Variants in MBNL2 observed in about 807,000 individuals in gnomAD.
MBNL2 encodes muscleblind-like protein 2.
Under a neutral mutation model 41.9 loss-of-function variants are expected in MBNL2, and 17 were observed. The ratio of observed to expected loss-of-function variants is 0.41; its 90% CI spans 0.28 to 0.61. MBNL2 has a LOEUF of 0.61. MBNL2 is among the 20% of genes least tolerant of loss of function. The probability of loss-of-function intolerance (pLI) is 0.35; values close to 1 mark genes in which losing one functional copy is unlikely to be tolerated. For missense variants in MBNL2, 336 were observed against 505.6 expected, an observed-to-expected ratio of 0.66 and a Z score of 3.22; for synonymous variants, 195 against 182.9, an observed-to-expected ratio of 1.07 and a Z score of -0.53.
At chr13:97,271,444 C>A (rs61972585) in intron 1 of MBNL2, among the ~76,000 whole-genome samples, 3 of 105,818 alleles carry the variant, frequency 2.8e-5, no homozygotes, top group South Asian at 6.1e-4. Context: ...TTATTTATTT[C>A]TAAAAAAAAA....
At chr13:97,279,339 C>T (rs935152474) in intron 2 of MBNL2, among the ~76,000 whole-genome samples, 2 of 152,266 alleles carry the variant, frequency 1.3e-5, no homozygotes, top group South Asian at 2.1e-4. Context: ...TATATAAAAT[C>T]GATATAATTC....
At chr13:97,305,183 T>G (rs190600353) in intron 2 of MBNL2, among the ~76,000 whole-genome samples, 5 of 152,364 alleles carry the variant, frequency 3.3e-5, no homozygotes, top group Admixed American at 2.6e-4. Flanking sequence ...GAGTTCTGGT[T>G]AAATTCTTAG....
In MBNL2 at chr13:97,391,572, C is replaced by A; in HGVS notation, c.*123C>A. 1.5e-6 allele frequency: 1 copy of A among 672,486 alleles called. No homozygotes were observed. Among genetic ancestry groups the A allele is most frequent in the Non-Finnish European group, 2.6e-6 (1 of 381,042 alleles). 41.7% of individuals were successfully genotyped at this position (672,486 alleles called of 1,614,324 possible). On this transcript the variant is annotated 3_prime_UTR_variant, in exon 9 of 9. Coordinates refer to ENST00000679496, the MANE Select transcript of MBNL2 (RefSeq NM_001382683.1). ...ACCTAAGATAGTTAACTACCTGAGACCAGCTGTGATGTTTAAAGACATAAA... is the reference window on the plus strand; with the variant it reads ...ACCTAAGATAGTTAACTACCTGAGAACAGCTGTGATGTTTAAAGACATAAA...
At chr13:97,251,834 CTTTTTTTTTTTTT>C (rs869034692) in intron 1 of MBNL2, among the ~76,000 whole-genome samples, 24 of 69,580 alleles carry the variant, frequency 3.4e-4, no homozygotes, top group Non-Finnish European at 5.9e-4. Flanking sequence ...ATCCTCAATT[CTTTTTTTTTTTTT>C]TTTTTTTTTT....
chr13:97,377,666 A>G (rs2153149825), intron 8 of MBNL2, among the ~76,000 whole-genome samples: 1 of 152,294 alleles, frequency 6.6e-6, no homozygotes, highest in Middle Eastern at 3.4e-3. Flanking sequence ...AGCTTAGAGG[A>G]TTTAGGACAG....
chr13:97,348,363 A>C (rs893659615), intron 5 of MBNL2, among the ~76,000 whole-genome samples: 4 of 152,140 alleles, frequency 2.6e-5, no homozygotes, highest in African/African-American at 9.7e-5. Flanking sequence ...ACCTGGCGAC[A>C]GTGGCAGTTT....
chr13:97,338,825 G>T (rs1263639347), intron 3 of MBNL2, among the ~76,000 whole-genome samples: 1 of 152,162 alleles, frequency 6.6e-6, no homozygotes, highest in Admixed American at 6.5e-5. Context: ...GCCTTTTAGC[G>T]TGAGTGCCAG....
intron 4 of MBNL2, among the ~76,000 whole-genome samples, chr13:97,343,894 C>T (rs2061625830): frequency 1.3e-5 from 2 of 152,234 alleles, no homozygotes; most frequent in Non-Finnish European, 2.9e-5. Context: ...ACAACCTCCT[C>T]TGCCCGGGTT....
At chr13:97,329,554 C>T in intron 2 of MBNL2, among the ~76,000 whole-genome samples, 1 of 77,326 alleles carries the variant, frequency 1.3e-5, no homozygotes, top group South Asian at 4.4e-4. Context: ...CGTGCCTGCC[C>T]CTAGATGGGA....
chr13:97,198,247 G>T, the MBNL2 span, among the ~76,000 whole-genome samples: 5 of 152,026 alleles, frequency 3.3e-5, no homozygotes, highest in Admixed American at 1.3e-4. Context: ...AAGTTAAAGA[G>T]AATTCTCCTG....
chr13:97,227,524 A>G (rs2041823880), intron 1 of MBNL2, among the ~76,000 whole-genome samples: 1 of 152,370 alleles, frequency 6.6e-6, no homozygotes, highest in Non-Finnish European at 1.5e-5. Flanking sequence ...GTTCACAGGC[A>G]TTATCTTAAT....
At chr13:97,239,072 T>C (rs7995041) in intron 1 of MBNL2, among the ~76,000 whole-genome samples, 112,212 of 152,140 alleles carry the variant, frequency 0.74, 41,703 homozygotes, top group African/African-American at 0.83. Flanking sequence ...ACATCCAGCC[T>C]CACTGCTAAT....
At position 97,347,003 on chromosome 13, in the gene MBNL2, C is replaced by T. The variant is rs1357638784; in HGVS notation, c.740C>T (p.Ala247Val). ...PAHLQAKIKA[A>V]QHQANQAAVA... is the part of the protein sequence containing the mutation. ...CACTTGCAGGCCAAAATCAAAGCTGCGCAGCACCAAGCCAACCAAGCTGCG... is the reference window on the plus strand; with the variant it reads ...CACTTGCAGGCCAAAATCAAAGCTGTGCAGCACCAAGCCAACCAAGCTGCG... Residue 247 changes from alanine (A) to valine (V), a missense_variant, in exon 5 of 9, where the codon GCG (alanine) becomes GTG (valine). Transcript: ENST00000679496. 6.2e-6 allele frequency: 10 copies of T among 1,613,504 alleles called. No individual in the cohort carries two copies. The highest frequency in any genetic ancestry group is 1.1e-5 in the South Asian group (1 of 91,074).
chr13:97,273,127 C>T (rs1008748872), intron 1 of MBNL2, among the ~76,000 whole-genome samples: 1 of 152,106 alleles, frequency 6.6e-6, no homozygotes, highest in Non-Finnish European at 1.5e-5. Context: ...CCATGGGAGC[C>T]CTTGGGAGAG....
the MBNL2 span, among the ~76,000 whole-genome samples, chr13:97,164,503 CA>C: frequency 6.6e-6 from 1 of 151,876 alleles, no homozygotes; most frequent in Non-Finnish European, 1.5e-5. Flanking sequence ...AAGATGTGTG[CA>C]AAAGAAAACA....
chr13:97,283,819 A>C (rs746702506), intron 2 of MBNL2, among the ~76,000 whole-genome samples: 3 of 152,206 alleles, frequency 2.0e-5, no homozygotes, highest in Non-Finnish European at 2.9e-5. Context: ...AGGAAGGAGA[A>C]ACATGCAGCT....
chr13:97,185,951 C>T, the MBNL2 span, among the ~76,000 whole-genome samples: 8 of 152,326 alleles, frequency 5.3e-5, no homozygotes, highest in African/African-American at 1.9e-4. Flanking sequence ...CATTCCACTG[C>T]TTCTCTTCAT....
intron 8 of MBNL2, among the ~76,000 whole-genome samples, chr13:97,384,056 C>A (rs1178645474): frequency 1.3e-5 from 2 of 151,972 alleles, no homozygotes; most frequent in Non-Finnish European, 2.9e-5. Context: ...TGCACCACCA[C>A]ACCCAACTAA....
At chr13:97,357,864 A>G in intron 7 of MBNL2, 2 of 566,732 alleles carry the variant, frequency 3.5e-6, no homozygotes, top group Non-Finnish European at 3.2e-6. Flanking sequence ...GATTTAACCC[A>G]TGAGAAACAG....
Sources: allele counts gnomAD v4.1 joint callset (sites outside exome capture counted in the v4.1 genomes callset), GRCh38; gene constraint gnomAD v4.1.1; transcripts MANE v1.5; gene names NCBI Gene and HGNC (gene_info 2026-07-23, HGNC 2026-07-21).